Variants in RBFOX2 observed in about 807,000 individuals in gnomAD.
RBFOX2 encodes RNA binding fox-1 homolog 2.
Under a neutral mutation model 49.1 loss-of-function variants are expected in RBFOX2, and 10 were observed. The observed-to-expected ratio is 0.20, with a 90% confidence interval of 0.13 to 0.35. The LOEUF is 0.35. Ranked by LOEUF, RBFOX2 falls within the 10% of genes least tolerant of loss-of-function variation. The pLI, the probability that RBFOX2 is intolerant of heterozygous loss-of-function variation, is 1.00. For synonymous variants in RBFOX2, 183 were observed against 187.4 expected (o/e 0.98, Z 0.19); for missense variants, 323 against 486.9 (o/e 0.66, Z 3.17).
At chr22:35,769,578 T>C (rs185016545) in intron 4 of RBFOX2, among the ~76,000 whole-genome samples, 4 of 152,186 alleles carry the variant, frequency 2.6e-5, no homozygotes, top group Non-Finnish European at 5.9e-5. Flanking sequence ...ATCTGCAAAG[T>C]GGTAAAGTCT....
intron 1 of RBFOX2, among the ~76,000 whole-genome samples, chr22:35,953,610 T>A (rs2055213017): frequency 6.6e-6 from 1 of 152,210 alleles, no homozygotes; most frequent in Non-Finnish European, 1.5e-5. Context: ...TGTGAACGTA[T>A]TAAATGCCAC....
chr22:35,931,819 GAATGT>G (rs1432699094), intron 1 of RBFOX2, among the ~76,000 whole-genome samples: 1 of 152,132 alleles, frequency 6.6e-6, no homozygotes, highest in Non-Finnish European at 1.5e-5. Context: ...CATTTTTAAG[GAATGT>G]AAGTATTAGA....
intron 1 of RBFOX2, among the ~76,000 whole-genome samples, chr22:35,901,983 G>A (rs1443546446): frequency 6.6e-6 from 1 of 152,038 alleles, no homozygotes; most frequent in African/African-American, 2.4e-5. Context: ...AGGAGGCTGA[G>A]GCAGGAGAAT....
chr22:35,982,143 AG>A (rs1415291024), intron 1 of RBFOX2, among the ~76,000 whole-genome samples: 2 of 152,122 alleles, frequency 1.3e-5, no homozygotes, highest in African/African-American at 4.8e-5. Context: ...ACATAATTCC[AG>A]GGGAATAGAT....
intron 1 of RBFOX2, among the ~76,000 whole-genome samples, chr22:35,977,723 T>TATAG (rs367562966): frequency 0.21 from 673 of 3,188 alleles, 12 homozygotes; most frequent in Middle Eastern, 0.5. Context: ...CTGAATGAAC[T>TATAG]ATATATATAT....
chr22:36,015,583 T>C (rs1481971609), intron 1 of RBFOX2, among the ~76,000 whole-genome samples: 1 of 152,226 alleles, frequency 6.6e-6, no homozygotes. Flanking sequence ...AGTTTTCACT[T>C]TGAAATCACA....
At chr22:35,901,633 T>C (rs1223549054) in intron 1 of RBFOX2, among the ~76,000 whole-genome samples, 2 of 152,202 alleles carry the variant, frequency 1.3e-5, no homozygotes, top group African/African-American at 4.8e-5. Flanking sequence ...GTGGTTACCT[T>C]CTATGATGTC....
chr22:35,981,658 T>A (rs962188727), intron 1 of RBFOX2, among the ~76,000 whole-genome samples: 12 of 149,658 alleles, frequency 8.0e-5, no homozygotes, highest in African/African-American at 2.5e-4. Flanking sequence ...AAAAAAAAAA[T>A]TAGAATTAAA....
At chr22:35,982,792 G>GT (rs2057525324) in intron 1 of RBFOX2, among the ~76,000 whole-genome samples, 2 of 149,120 alleles carry the variant, frequency 1.3e-5, no homozygotes. Context: ...TAAGGGTATC[G>GT]TTTAAAAAAA....
chr22:36,006,723 C>T (rs2058633052), intron 1 of RBFOX2, among the ~76,000 whole-genome samples: 1 of 152,294 alleles, frequency 6.6e-6, no homozygotes, highest in Admixed American at 6.5e-5. Flanking sequence ...CATACCTTGC[C>T]CTTGTACATA....
intron 2 of RBFOX2, among the ~76,000 whole-genome samples, chr22:35,786,465 T>C (rs1019306212): frequency 6.6e-6 from 1 of 152,198 alleles, no homozygotes. Context: ...TAGAGCTGAA[T>C]ATTCACAATG....
At chr22:35,826,702 A>G (rs1395988020) in intron 1 of RBFOX2, among the ~76,000 whole-genome samples, 2 of 152,160 alleles carry the variant, frequency 1.3e-5, no homozygotes, top group Non-Finnish European at 2.9e-5. Flanking sequence ...CTCTCAGTAG[A>G]TTCCTAACAC....
chr22:35,964,103 G>C (rs1306530142), upstream of RBFOX2, among the ~76,000 whole-genome samples: 1 of 152,122 alleles, frequency 6.6e-6, no homozygotes, highest in Non-Finnish European at 1.5e-5. Flanking sequence ...GTGATGTCAA[G>C]GTGACCATGG....
At chr22:35,853,505 C>T (rs968689414) in intron 1 of RBFOX2, among the ~76,000 whole-genome samples, 2 of 151,876 alleles carry the variant, frequency 1.3e-5, no homozygotes, top group African/African-American at 2.4e-5. Context: ...ATTAGTTAAG[C>T]TTTTATTAAG....
intron 1 of RBFOX2, among the ~76,000 whole-genome samples, chr22:36,021,849 G>C (rs2059258752): frequency 6.6e-6 from 1 of 152,212 alleles, no homozygotes; most frequent in Non-Finnish European, 1.5e-5. Context: ...AAGCTGATCT[G>C]TGATGGATTA....
intron 1 of RBFOX2, among the ~76,000 whole-genome samples, chr22:35,887,947 A>G (rs1248811875): frequency 5.9e-5 from 9 of 152,148 alleles, no homozygotes; most frequent in Admixed American, 5.9e-4. Flanking sequence ...TAAGATCTAT[A>G]GTTTACAGGC....
intron 1 of RBFOX2, among the ~76,000 whole-genome samples, chr22:35,888,885 T>C (rs1284262176): frequency 6.6e-6 from 1 of 152,186 alleles, no homozygotes; most frequent in Non-Finnish European, 1.5e-5. Context: ...CCGGGCACAC[T>C]GACTAAGTCC....
At chr22:35,981,742 T>C (rs1350651450) in intron 1 of RBFOX2, among the ~76,000 whole-genome samples, 1 of 152,184 alleles carries the variant, frequency 6.6e-6, no homozygotes, top group Non-Finnish European at 1.5e-5. Flanking sequence ...GAAAATTGAA[T>C]ATAACCATTT....
chr22:35,807,635 G>A (rs1603231115), intron 2 of RBFOX2, among the ~76,000 whole-genome samples: 1 of 151,778 alleles, frequency 6.6e-6, no homozygotes, highest in Admixed American at 6.6e-5. Context: ...AACACAAAAA[G>A]GAAGAAAATC....
Sources: allele counts gnomAD v4.1 joint callset (sites outside exome capture counted in the v4.1 genomes callset), GRCh38; gene constraint gnomAD v4.1.1; transcripts MANE v1.5; gene names NCBI Gene and HGNC (gene_info 2026-07-23, HGNC 2026-07-21).